Variants in STOX2 observed in about 807,000 individuals in gnomAD.
STOX2 encodes the protein storkhead box 2.
A neutral mutation model predicts 60.9 loss-of-function variants in STOX2; 28 were observed. The ratio of observed to expected loss-of-function variants is 0.46; its 90% CI spans 0.34 to 0.63. The LOEUF (loss-of-function observed/expected upper bound fraction) is 0.63, where lower values mean the gene tolerates loss of function less well. Among genes scored for constraint, STOX2 ranks in the 30% least tolerant of loss-of-function variants. The pLI, the probability that STOX2 is intolerant of heterozygous loss-of-function variation, is 0.01. For missense variants in STOX2, 1,024 were observed against 1,187.7 expected (o/e 0.86, Z 2.03); for synonymous variants, 472 against 463.9 (o/e 1.02, Z -0.22).
rs1031636799 is a variant in STOX2, at chr4:183,821,831, C to T, written c.364+23776C>T. Among the ~76,000 whole-genome samples, 5 of 152,228 alleles carry T rather than the reference C, an allele frequency of 3.3e-5. No individual in the cohort carries two copies. The highest frequency in any genetic ancestry group is 7.3e-5 in the Non-Finnish European group (5 of 68,044). ...GCCGGGCTGCATTCTGACCCCTGCC[C>T]CAGGTTTGTGAGTCTGTAGGGTGGG... On this transcript the variant is annotated intron_variant, in intron 1 of 2. Coordinates refer to the STOX2 transcript ENST00000513034. The surrounding 1 kb of genome is among the most constrained non-coding windows in gnomAD (Gnocchi z 4.2).
chr4:183,997,941 G>C (rs1240353853), intron 1 of STOX2, among the ~76,000 whole-genome samples: 1 of 152,184 alleles, frequency 6.6e-6, no homozygotes, highest in African/African-American at 2.4e-5. Flanking sequence ...AATTAACTGA[G>C]AATATGGCAG....
chr4:183,834,509 G>C (rs1013897869), intron 1 of STOX2, among the ~76,000 whole-genome samples: 1 of 152,064 alleles, frequency 6.6e-6, no homozygotes, highest in African/African-American at 2.4e-5. Flanking sequence ...TGGCTCCCAG[G>C]CTGCCGTCTT....
At chr4:183,920,122 T>A (rs1579417420) in intron 1 of STOX2, among the ~76,000 whole-genome samples, 1 of 152,262 alleles carries the variant, frequency 6.6e-6, no homozygotes, top group East Asian at 1.9e-4. Context: ...TATTTATTTT[T>A]ATTTTTATTT....
At position 183,859,632 on chromosome 4, in the gene STOX2, A is replaced by G. The variant is rs190146794; in HGVS notation, c.364+61577A>G. ...CCACCCACAGGACAGTTTTGATGAG[A>G]CAAAGCAAATGGTGACGCACAGAAG... On this transcript the variant is annotated intron_variant, in intron 1 of 2. Transcript: ENST00000513034. 3.1e-4 allele frequency among the ~76,000 whole-genome samples: 47 copies of G among 152,368 alleles called. 1 individual carries two copies. The highest frequency in any genetic ancestry group is 1.1e-3 in the African/African-American group (46 of 41,602).
At chr4:183,860,442 CAAAAAAAA>C (rs35753992) in intron 1 of STOX2, among the ~76,000 whole-genome samples, 15 of 121,536 alleles carry the variant, frequency 1.2e-4, no homozygotes, top group Non-Finnish European at 2.6e-4. Context: ...AAACAAAAAA[CAAAAAAAA>C]AAAAAAAAGA....
rs766518256 is a variant in STOX2, at chr4:184,009,138, T to TC, written c.320-20_320-19insC. On this transcript the variant is annotated intron_variant, in intron 2 of 3. Coordinates refer to ENST00000308497, the MANE Select transcript of STOX2 (RefSeq NM_020225.3). The surrounding 1 kb of genome is among the most constrained non-coding windows in gnomAD (Gnocchi z 4.0). The stretch of plus-strand genomic sequence containing the variant: ...TTCTGTCTTCATTCTCACAAGTGGT[T>TC]TTTTTTTTTTTTTTTTCAGGTGTTC... 12 of 1,159,626 alleles carry TC rather than the reference T, an allele frequency of 1.0e-5. No individual in the cohort carries two copies. In the East Asian group the frequency reaches 2.6e-4, roughly 25 times the overall value. The allele number at this position is 1,159,626 out of a possible 1,614,324, so 71.8% of individuals were successfully genotyped here.
intron 1 of STOX2, among the ~76,000 whole-genome samples, chr4:183,942,807 T>C (rs1329779614): frequency 6.6e-6 from 1 of 152,148 alleles, no homozygotes; most frequent in Admixed American, 6.5e-5. Flanking sequence ...AAAAAAAAAC[T>C]TTTTTAATGG....
At chr4:183,820,679 T>C (rs1739285579) in intron 1 of STOX2, among the ~76,000 whole-genome samples, 1 of 152,200 alleles carries the variant, frequency 6.6e-6, no homozygotes, top group Admixed American at 6.5e-5. Flanking sequence ...AGGACTGAAA[T>C]TGTCATACTT....
At chr4:183,903,778 C>G (rs1200099233), upstream of STOX2, among the ~76,000 whole-genome samples, 2 of 152,150 alleles carry the variant, frequency 1.3e-5, no homozygotes, top group African/African-American at 4.8e-5. Flanking sequence ...TCCTTTACAC[C>G]AGCGGCCCCC....
intron 2 of STOX2, among the ~76,000 whole-genome samples, chr4:184,008,031 G>T (rs751101653): frequency 1.3e-4 from 20 of 152,180 alleles, no homozygotes; most frequent in Non-Finnish European, 2.8e-4. Flanking sequence ...CCAGCAGCCC[G>T]GCCCCAGCCT....
chr4:183,827,483 C>T (rs763224961), intron 1 of STOX2, among the ~76,000 whole-genome samples: 12 of 151,384 alleles, frequency 7.9e-5, no homozygotes, highest in Non-Finnish European at 1.5e-4. Context: ...CAATGAGACC[C>T]TGTCTCTAAA....
intron 1 of STOX2, among the ~76,000 whole-genome samples, chr4:183,981,783 A>G (rs1191200794): frequency 6.6e-6 from 1 of 152,188 alleles, no homozygotes; most frequent in Non-Finnish European, 1.5e-5. Flanking sequence ...TCCAAAGTGC[A>G]CCTGCGGCTG....
chr4:183,859,799 G>A (rs1203497505), intron 1 of STOX2, among the ~76,000 whole-genome samples: 1 of 152,162 alleles, frequency 6.6e-6, no homozygotes, highest in Non-Finnish European at 1.5e-5. Flanking sequence ...GAACTGAATG[G>A]ATTTTTTTTT....
At chr4:183,997,415 C>T (rs1239972349) in intron 1 of STOX2, among the ~76,000 whole-genome samples, 1 of 152,160 alleles carries the variant, frequency 6.6e-6, no homozygotes, top group African/African-American at 2.4e-5. Flanking sequence ...AGGCTCAGGC[C>T]ACGTGGGCCC....
At chr4:183,837,562 A>T (rs375308826) in intron 1 of STOX2, among the ~76,000 whole-genome samples, 4 of 151,822 alleles carry the variant, frequency 2.6e-5, no homozygotes, top group Non-Finnish European at 5.9e-5. Context: ...GGGTTCAAGT[A>T]ATTTTCCTGC....
At chr4:184,014,110 CAAAAA>C (rs10527539) in intron 3 of STOX2, 2 of 138,642 alleles carry the variant, frequency 1.4e-5, no homozygotes, top group African/African-American at 5.4e-5. Context: ...AAGCCCCAAC[CAAAAA>C]AAAAAAAAAA....
intron 1 of STOX2, among the ~76,000 whole-genome samples, chr4:183,958,115 G>A (rs1245324274): frequency 1.3e-5 from 2 of 151,446 alleles, no homozygotes; most frequent in Non-Finnish European, 2.9e-5. Flanking sequence ...TCTTTCAGGG[G>A]GGATGGTAGA....
chr4:183,887,725 G>A (rs1005702634), intron 1 of STOX2, among the ~76,000 whole-genome samples: 1 of 152,202 alleles, frequency 6.6e-6, no homozygotes, highest in Non-Finnish European at 1.5e-5. Context: ...ATGCTCCAAA[G>A]CTGATGCTGT....
intron 1 of STOX2, among the ~76,000 whole-genome samples, chr4:183,991,774 C>T (rs1733118132): frequency 6.6e-6 from 1 of 152,132 alleles, no homozygotes; most frequent in African/African-American, 2.4e-5. Context: ...TGTATTAGGT[C>T]TCAGGGACAG....
Sources: allele counts gnomAD v4.1 joint callset (sites outside exome capture counted in the v4.1 genomes callset), GRCh38; gene constraint gnomAD v4.1.1; non-coding constraint Gnocchi (gnomAD v3.1); transcripts MANE v1.5; gene names NCBI Gene and HGNC (gene_info 2026-07-23, HGNC 2026-07-21).